The following THSD7B variants were observed in gnomAD, a reference collection of about 807,000 sequenced individuals.
THSD7B encodes thrombospondin type 1 domain containing 7B.
A neutral mutation model predicts 213.6 loss-of-function variants in THSD7B; 138 were observed. The observed-to-expected ratio is 0.65, with a 90% CI of 0.56 to 0.74. The LOEUF is 0.74. Ranked by LOEUF, THSD7B falls within the 30% of genes least tolerant of loss-of-function variation. The pLI, the probability that THSD7B is intolerant of heterozygous loss-of-function variation, is 0.00. For synonymous variants in THSD7B, 742 were observed against 687.0 expected, an observed-to-expected ratio of 1.08 and a Z score of -1.25; for missense variants, 1,931 against 1,991.5, an observed-to-expected ratio of 0.97 and a Z score of 0.58.
intron 1 of THSD7B, among the ~76,000 whole-genome samples, chr2:136,839,985 T>C (rs1250898423): frequency 1.3e-5 from 2 of 152,186 alleles, no homozygotes; most frequent in African/African-American, 4.8e-5. Context: ...TAAGTTGGAA[T>C]GACATGGATT....
intron 1 of THSD7B, among the ~76,000 whole-genome samples, chr2:136,881,423 G>A (rs1683620850): frequency 6.6e-6 from 1 of 152,110 alleles, no homozygotes; most frequent in Non-Finnish European, 1.5e-5. Flanking sequence ...AATTGATGAG[G>A]CCTTCAGTGG....
chr2:137,118,029 G>A (rs1688475999), intron 5 of THSD7B, among the ~76,000 whole-genome samples: 1 of 152,100 alleles, frequency 6.6e-6, no homozygotes, highest in Admixed American at 6.6e-5. Flanking sequence ...TTCATGTGGT[G>A]TTTTAAATGC....
chr2:137,224,190 C>T (rs1322116075), intron 7 of THSD7B, among the ~76,000 whole-genome samples: 1 of 152,226 alleles, frequency 6.6e-6, no homozygotes, highest in African/African-American at 2.4e-5. Context: ...TTTCACATCT[C>T]TTCTCACCTT....
intron 17 of THSD7B, among the ~76,000 whole-genome samples, chr2:137,586,230 C>T (rs1189443002): frequency 1.3e-5 from 2 of 151,994 alleles, no homozygotes; most frequent in Admixed American, 6.6e-5. Flanking sequence ...TATGTGTGTC[C>T]CTGCACATGA....
intron 17 of THSD7B, among the ~76,000 whole-genome samples, chr2:137,608,440 T>G (rs535434500): frequency 1.3e-4 from 20 of 152,214 alleles, no homozygotes; most frequent in African/African-American, 4.6e-4. Flanking sequence ...TAACAGTTAC[T>G]GAGGAGCAAA....
At chr2:137,293,329 G>A (rs1683382839) in intron 12 of THSD7B, among the ~76,000 whole-genome samples, 1 of 151,798 alleles carries the variant, frequency 6.6e-6, no homozygotes, top group Non-Finnish European at 1.5e-5. Flanking sequence ...GGTAGAAACG[G>A]GTTTTGCCAT....
chr2:137,301,479 A>G (rs1683599094), intron 12 of THSD7B, among the ~76,000 whole-genome samples: 1 of 152,160 alleles, frequency 6.6e-6, no homozygotes, highest in Non-Finnish European at 1.5e-5. Context: ...TGGATAGTAT[A>G]TGATATCGGC....
chr2:137,252,595 C>T (rs1324409493), intron 10 of THSD7B, among the ~76,000 whole-genome samples: 2 of 152,166 alleles, frequency 1.3e-5, no homozygotes, highest in Non-Finnish European at 2.9e-5. Context: ...CTGTGCCTGG[C>T]CCTGGTTTGT....
At chr2:137,360,789 G>T (rs1685238639) in intron 12 of THSD7B, among the ~76,000 whole-genome samples, 1 of 152,206 alleles carries the variant, frequency 6.6e-6, no homozygotes, top group Admixed American at 6.5e-5. Flanking sequence ...GGGCATAGCT[G>T]AACAAAAGGC....
intron 3 of THSD7B, among the ~76,000 whole-genome samples, chr2:137,063,957 AC>A (rs1687328532): frequency 6.6e-6 from 1 of 152,092 alleles, no homozygotes; most frequent in Non-Finnish European, 1.5e-5. Context: ...ACTATTGTGC[AC>A]AGTGCTCCAG....
chr2:137,175,707 T>C (rs377235731), intron 7 of THSD7B, among the ~76,000 whole-genome samples: 25 of 152,330 alleles, frequency 1.6e-4, no homozygotes, highest in African/African-American at 5.5e-4. Flanking sequence ...TAAGTACTTT[T>C]TAAGGAGGAC....
At position 137,545,095 on chromosome 2, in the gene THSD7B, T is replaced by A. The variant is rs373557831; in HGVS notation, c.3139-18126T>A. On this transcript the variant is annotated intron_variant, in intron 15 of 27. Coordinates refer to ENST00000409968, the MANE Select transcript of THSD7B (RefSeq NM_001316349.2). ...TAGTAAGTATTCAAAGATTAATGTTTGTGGGAATGCAGCTGTATTTTTGAT... is the reference window on the plus strand; with the variant it reads ...TAGTAAGTATTCAAAGATTAATGTTAGTGGGAATGCAGCTGTATTTTTGAT... 3.9e-5 allele frequency among the ~76,000 whole-genome samples: 6 copies of A among 151,932 alleles called. No individual in the cohort carries two copies. In the East Asian group the frequency reaches 5.8e-4, roughly 15 times the overall value.
chr2:137,674,745 TG>T (rs1683657036), intron 27 of THSD7B, among the ~76,000 whole-genome samples: 1 of 152,188 alleles, frequency 6.6e-6, no homozygotes, highest in East Asian at 1.9e-4. Context: ...CTTCTCTGGT[TG>T]GAAGTTGTTT....
intron 15 of THSD7B, among the ~76,000 whole-genome samples, chr2:137,510,413 A>T (rs1165611925): frequency 1.3e-5 from 2 of 151,574 alleles, no homozygotes; most frequent in East Asian, 3.9e-4. Flanking sequence ...ATTGTCATGT[A>T]TATTATATCT....
intron 2 of THSD7B, among the ~76,000 whole-genome samples, chr2:136,914,923 C>T (rs1249462027): frequency 6.6e-6 from 1 of 151,812 alleles, no homozygotes; most frequent in African/African-American, 2.4e-5. Context: ...AGCTATATTA[C>T]CAGAAACATT....
At chr2:136,831,127 A>G (rs1254970502) in intron 1 of THSD7B, among the ~76,000 whole-genome samples, 2 of 27,066 alleles carry the variant, frequency 7.4e-5, no homozygotes, top group Non-Finnish European at 1.7e-4. Flanking sequence ...GGCCTGTAGA[A>G]TCTTTTTTTT....
chr2:136,928,074 T>A (rs1181640773), intron 2 of THSD7B, among the ~76,000 whole-genome samples: 2 of 152,168 alleles, frequency 1.3e-5, no homozygotes, highest in Non-Finnish European at 2.9e-5. Context: ...TGACTTACAA[T>A]GGAGTTACAT....
intron 5 of THSD7B, among the ~76,000 whole-genome samples, chr2:137,157,623 A>C (rs1229760335): frequency 1.3e-5 from 2 of 152,178 alleles, no homozygotes; most frequent in Non-Finnish European, 1.5e-5. Flanking sequence ...TACCGAGGTC[A>C]TATAGGGCTG....
chr2:136,852,771 G>T (rs1683119546), intron 1 of THSD7B, among the ~76,000 whole-genome samples: 1 of 151,494 alleles, frequency 6.6e-6, no homozygotes, highest in Admixed American at 6.6e-5. Context: ...TTTTATTTTT[G>T]CAGTGTCACA....
Sources: gnomAD v4.1 joint callset for allele counts (sites outside exome capture counted in the v4.1 genomes callset) on GRCh38, gnomAD v4.1.1 for gene constraint, MANE v1.5 for transcripts, NCBI Gene and HGNC (gene_info 2026-07-23, HGNC 2026-07-21) for gene names.